EML4: variants seen among roughly 807,000 people sequenced by gnomAD.
EML4 encodes EMAP like 4.
In EML4, 72 loss-of-function variants were observed where a neutral mutation model predicts 129.0. The ratio of observed to expected loss-of-function variants is 0.56; its 90% confidence interval spans 0.46 to 0.68. The LOEUF is 0.68. Among genes scored for constraint, EML4 ranks in the 30% least tolerant of loss-of-function variants. EML4 has a pLI of 0.00. For synonymous variants in EML4, 532 were observed against 405.0 expected (o/e 1.31, Z -3.77); for missense variants, 1,363 against 1,190.6 (o/e 1.14, Z -2.13).
At position 42,295,143 on chromosome 2, in the gene EML4, T is replaced by C. The variant is rs1431394930; in HGVS notation, c.1237T>C (p.Leu413=). ...AEIKTTNEVV[L]AVEFHPTDAN... ...TTCATAGACAACAAATGAAGTTGTT[T>C]TGGCTGTGGAGTTTCACCCAACAGA... Residue 413 remains leucine (L), a synonymous_variant, in exon 12 of 23, where the codon TTG becomes CTG. Transcript: ENST00000318522. 1 of 1,611,244 alleles carries C rather than the reference T, an allele frequency of 6.2e-7. No individual in the cohort carries two copies. Among genetic ancestry groups the C allele is most frequent in the Non-Finnish European group, 8.5e-7 (1 of 1,179,250 alleles).
chr2:42,242,519 A>T (rs947065650), intron 1 of EML4, among the ~76,000 whole-genome samples: 3 of 152,032 alleles, frequency 2.0e-5, no homozygotes, highest in Non-Finnish European at 4.4e-5. Context: ...GTAGCTGGAG[A>T]ACCAAGGTGG....
chr2:42,249,436 A>G (rs1284648419), intron 2 of EML4, among the ~76,000 whole-genome samples: 2 of 152,152 alleles, frequency 1.3e-5, no homozygotes, highest in African/African-American at 4.8e-5. Context: ...CTGTGGATAA[A>G]TAGGGTAGAA....
At chr2:42,285,898 C>T (rs1465141665) in intron 9 of EML4, 8 of 222,532 alleles carry the variant, frequency 3.6e-5, no homozygotes, top group South Asian at 6.9e-5. Context: ...CGTGCCTGGC[C>T]GACTCAACCT....
intron 1 of EML4, among the ~76,000 whole-genome samples, chr2:42,244,875 A>G (rs1200203087): frequency 1.3e-5 from 2 of 152,136 alleles, no homozygotes; most frequent in Admixed American, 1.3e-4. Flanking sequence ...TGATGTCTAC[A>G]AGATGATGTA....
intron 1 of EML4, among the ~76,000 whole-genome samples, chr2:42,232,042 A>G (rs760201947): frequency 2.8e-4 from 43 of 152,234 alleles, no homozygotes; most frequent in Middle Eastern, 3.4e-3. Context: ...AATTTTTTAT[A>G]TACAGTAGTA....
At chr2:42,246,663 T>C (rs1257046038) in intron 2 of EML4, among the ~76,000 whole-genome samples, 1 of 152,192 alleles carries the variant, frequency 6.6e-6, no homozygotes, top group Non-Finnish European at 1.5e-5. Flanking sequence ...CTCATGTTAG[T>C]TTTGGCTAGC....
chr2:42,297,630 T>A (rs530232558), intron 13 of EML4, among the ~76,000 whole-genome samples: 1 of 152,078 alleles, frequency 6.6e-6, no homozygotes, highest in African/African-American at 2.4e-5. Flanking sequence ...TAAATGGAAG[T>A]CCAGACCAGA....
intron 8 of EML4, among the ~76,000 whole-genome samples, chr2:42,284,360 TCAG>T (rs1558573893): frequency 6.6e-6 from 1 of 152,216 alleles, no homozygotes; most frequent in Non-Finnish European, 1.5e-5. Flanking sequence ...GAAAGGAACT[TCAG>T]CAAATGAAAA....
At chr2:42,241,981 A>G (rs978647748) in intron 1 of EML4, among the ~76,000 whole-genome samples, 1 of 152,162 alleles carries the variant, frequency 6.6e-6, no homozygotes, top group Admixed American at 6.5e-5. Flanking sequence ...TGTGTCTCAC[A>G]GTGTCTATCA....
Position 42,261,365 on chromosome 2 carries a change from A to G in EML4, c.512+71A>G, listed in dbSNP as rs1665723575. On this transcript the variant is annotated intron_variant, in intron 4 of 22. Transcript: ENST00000318522. The stretch of plus-strand genomic sequence containing the variant: ...TACCTAAATTCTGTGACTTGGGAAA[A>G]AGTTAGCTATCCAAGGATTCTGAGA... The G allele has an allele frequency of 3.0e-6, 4 of 1,352,250 alleles. No individual in the cohort carries two copies. In the South Asian group the frequency reaches 5.4e-5, roughly 18 times the overall value. The allele number at this position is 1,352,250 out of a possible 1,614,324, so 83.8% of individuals were successfully genotyped here. A position where few individuals can be genotyped will look rare whatever the true frequency, so the allele number is the denominator to read the frequency against.
chr2:42,264,206 C>G (rs1665924861), intron 5 of EML4, among the ~76,000 whole-genome samples: 1 of 144,126 alleles, frequency 6.9e-6, no homozygotes, highest in African/African-American at 2.5e-5. Context: ...CTTCACCTTC[C>G]TGGGCTCAGG....
At chr2:42,273,793 A>ACATTTTATGATTT in intron 6 of EML4, among the ~76,000 whole-genome samples, 1 of 152,288 alleles carries the variant, frequency 6.6e-6, no homozygotes, top group Non-Finnish European at 1.5e-5. Flanking sequence ...ATACCCTTCT[A>ACATTTTATGATTT]AATTCCCTTT....
chr2:42,312,468 C>G (rs960777311), intron 17 of EML4, among the ~76,000 whole-genome samples: 4 of 152,146 alleles, frequency 2.6e-5, no homozygotes, highest in Non-Finnish European at 4.4e-5. Flanking sequence ...CTAAAGACTT[C>G]ATCTGCACAA....
At chr2:42,298,802 A>G (rs1014426237) in intron 13 of EML4, among the ~76,000 whole-genome samples, 5 of 152,020 alleles carry the variant, frequency 3.3e-5, no homozygotes, top group Admixed American at 6.6e-5. Flanking sequence ...GAAAAGCTTT[A>G]TTTTCTTACA....
intron 1 of EML4, among the ~76,000 whole-genome samples, chr2:42,174,613 G>A (rs189822345): frequency 2.0e-5 from 3 of 151,870 alleles, no homozygotes; most frequent in South Asian, 2.1e-4. Flanking sequence ...TTTGTATGTC[G>A]GTATATGATC....
intron 17 of EML4, among the ~76,000 whole-genome samples, chr2:42,305,899 C>T (rs772382317): frequency 1.3e-5 from 2 of 151,952 alleles, no homozygotes; most frequent in Admixed American, 6.6e-5. Context: ...TTTTTTATAG[C>T]GATTTTTCCT....
At chr2:42,265,769 G>T (rs1666027534) in intron 6 of EML4, among the ~76,000 whole-genome samples, 1 of 152,142 alleles carries the variant, frequency 6.6e-6, no homozygotes, top group Admixed American at 6.5e-5. Flanking sequence ...AAAATATGAT[G>T]AGTCTAGCAA....
rs775280469 is a variant in EML4 at position 42,177,828 on chromosome 2, TGAG to T, written c.25+8196_25+8198del. Among the ~76,000 whole-genome samples the T allele has an allele frequency of 7.4e-4, 113 of 152,182 alleles. 1 individual carries two copies. Among genetic ancestry groups the T allele is most frequent in the Admixed American group, 1.6e-3 (25 of 15,280 alleles). ...GTGGTCAGGACCAACATTAGAAAAA[TGAG>T]GAGAAGAGGAAGAGATAATGTAAAA... On this transcript the variant is annotated intron_variant, in intron 1 of 22. Transcript: ENST00000318522.
intron 1 of EML4, among the ~76,000 whole-genome samples, chr2:42,238,424 G>C (rs551912799): frequency 1.7e-4 from 26 of 152,158 alleles, no homozygotes; most frequent in Middle Eastern, 3.4e-3. Context: ...AGAGGTAAGG[G>C]GAAAAGTAGA....
Sources: allele counts gnomAD v4.1 joint callset (sites outside exome capture counted in the v4.1 genomes callset), GRCh38; gene constraint gnomAD v4.1.1; transcripts MANE v1.5; gene names NCBI Gene and HGNC (gene_info 2026-07-23, HGNC 2026-07-21).